The following MAF variants were observed in gnomAD, a reference collection of about 807,000 sequenced individuals.
MAF encodes transcription factor Maf.
In MAF, 10 loss-of-function variants were observed where a neutral mutation model predicts 22.0. The observed-to-expected ratio is 0.45, with a 90% CI of 0.28 to 0.77. MAF has a LOEUF of 0.77. Ranked by LOEUF, MAF falls within the 30% of genes least tolerant of loss-of-function variation. The pLI is 0.12. For synonymous variants in MAF, 337 were observed against 255.8 expected, an observed-to-expected ratio of 1.32 and a Z score of -3.03; for missense variants, 544 against 548.4, an observed-to-expected ratio of 0.99 and a Z score of 0.08.
chr16:79,251,510 T>C, the MAF span, among the ~76,000 whole-genome samples: 1 of 152,120 alleles, frequency 6.6e-6, no homozygotes, highest in Non-Finnish European at 1.5e-5. Flanking sequence ...AGAGACGGGA[T>C]TTCACCATGT....
chr16:79,386,451 G>GA, the MAF span, among the ~76,000 whole-genome samples: 1 of 152,218 alleles, frequency 6.6e-6, no homozygotes, highest in Middle Eastern at 3.4e-3. Flanking sequence ...TGATCTGACA[G>GA]GAGACGGAGC....
intron 1 of MAF, among the ~76,000 whole-genome samples, chr16:79,586,104 C>A (rs1394786954): frequency 6.6e-6 from 1 of 152,140 alleles, no homozygotes; most frequent in Non-Finnish European, 1.5e-5. Flanking sequence ...GTGGCCTCAA[C>A]CCTGTCAAGC....
At chr16:79,386,456 C>A in the MAF span, among the ~76,000 whole-genome samples, 1 of 152,038 alleles carries the variant, frequency 6.6e-6, no homozygotes, top group Admixed American at 6.6e-5. Context: ...TGACAGGAGA[C>A]GGAGCTCAGG....
the MAF span, among the ~76,000 whole-genome samples, chr16:79,580,290 C>T: frequency 3.6e-4 from 55 of 152,288 alleles, no homozygotes; most frequent in Admixed American, 3.5e-3. Context: ...CTTTGTTGCC[C>T]TTAGACTAGG....
chr16:79,598,610 G>GT (rs1555529702), intron 1 of MAF, 175 bp downstream of exon 1: 72 of 1,412,812 alleles, frequency 5.1e-5, no homozygotes, highest in Middle Eastern at 4.9e-4. Flanking sequence ...GTGTGTGTGT[G>GT]GTGTGTGCGT....
chr16:79,568,488 T>A, the MAF span, among the ~76,000 whole-genome samples: 1 of 152,164 alleles, frequency 6.6e-6, no homozygotes, highest in Admixed American at 6.5e-5. Context: ...TTTTATCTTC[T>A]CAACATTTCA....
the MAF span, among the ~76,000 whole-genome samples, chr16:79,528,391 G>A: frequency 6.6e-6 from 1 of 152,138 alleles, no homozygotes; most frequent in African/African-American, 2.4e-5. Context: ...ACTATCAACA[G>A]ACACTGTCCC....
At chr16:79,374,913 C>G in the MAF span, among the ~76,000 whole-genome samples, 1 of 152,148 alleles carries the variant, frequency 6.6e-6, no homozygotes, top group Non-Finnish European at 1.5e-5. Context: ...TATAGGATCA[C>G]GCTCTAAAGG....
At chr16:79,520,676 G>A in the MAF span, among the ~76,000 whole-genome samples, 1 of 152,164 alleles carries the variant, frequency 6.6e-6, no homozygotes, top group Admixed American at 6.5e-5. Flanking sequence ...TGGCTTTGGG[G>A]CAAATCAGAT....
chr16:79,409,799 G>A, the MAF span, among the ~76,000 whole-genome samples: 6 of 152,274 alleles, frequency 3.9e-5, no homozygotes, highest in Non-Finnish European at 7.4e-5. Context: ...CTGTTCAGTG[G>A]ATCTTCCTGC....
At chr16:79,293,747 C>G in the MAF span, among the ~76,000 whole-genome samples, 1 of 152,012 alleles carries the variant, frequency 6.6e-6, no homozygotes, top group Non-Finnish European at 1.5e-5. Context: ...GGAAAGGCAA[C>G]TTTATCAGAG....
At chr16:79,217,564 G>A in the MAF span, among the ~76,000 whole-genome samples, 1 of 152,096 alleles carries the variant, frequency 6.6e-6, no homozygotes, top group Non-Finnish European at 1.5e-5. Context: ...ACTGTAAGTT[G>A]GTCTGCACCT....
chr16:79,550,987 G>A, the MAF span, among the ~76,000 whole-genome samples: 2 of 152,074 alleles, frequency 1.3e-5, no homozygotes, highest in African/African-American at 2.4e-5. Flanking sequence ...GGCCCCCGTG[G>A]CCTCACAGAC....
chr16:79,233,683 G>C, the MAF span, among the ~76,000 whole-genome samples: 10 of 152,038 alleles, frequency 6.6e-5, no homozygotes, highest in Admixed American at 1.3e-4. Context: ...AAAAATGGTA[G>C]ACAAGCAGAT....
the MAF span, among the ~76,000 whole-genome samples, chr16:79,284,340 C>T: frequency 3.3e-5 from 5 of 152,190 alleles, no homozygotes; most frequent in Non-Finnish European, 7.3e-5. Context: ...ACTTCCACAC[C>T]ATCCAAAGGC....
the MAF span, among the ~76,000 whole-genome samples, chr16:79,348,822 G>C: frequency 6.6e-6 from 1 of 152,186 alleles, no homozygotes; most frequent in East Asian, 1.9e-4. Flanking sequence ...AAATGAGTCA[G>C]GGCAGATATT....
chr16:79,329,623 G>A, the MAF span, among the ~76,000 whole-genome samples: 7 of 152,116 alleles, frequency 4.6e-5, no homozygotes, highest in East Asian at 5.8e-4. Flanking sequence ...TATCAGTCAC[G>A]GTGTCTTCCC....
chr16:79,308,682 G>C, the MAF span, among the ~76,000 whole-genome samples: 1 of 152,156 alleles, frequency 6.6e-6, no homozygotes, highest in South Asian at 2.1e-4. Context: ...TCTTTGACAA[G>C]CATATCCTTT....
At chr16:79,526,430 T>G in the MAF span, among the ~76,000 whole-genome samples, 1 of 152,166 alleles carries the variant, frequency 6.6e-6, no homozygotes, top group African/African-American at 2.4e-5. Context: ...GGAGTGGCTG[T>G]ATATACACGT....
Sources: allele counts gnomAD v4.1 joint callset (sites outside exome capture counted in the v4.1 genomes callset), GRCh38; gene constraint gnomAD v4.1.1; transcripts MANE v1.5; gene names NCBI Gene and HGNC (gene_info 2026-07-23, HGNC 2026-07-21).